VSIG1: variants seen among roughly 807,000 people sequenced by gnomAD.
VSIG1 encodes V-set and immunoglobulin domain containing 1.
In VSIG1, 11 loss-of-function variants were observed where a neutral mutation model predicts 20.1. That is an observed-to-expected ratio of 0.55 (90% CI 0.34 to 0.91). The LOEUF (loss-of-function observed/expected upper bound fraction) is 0.91, where lower values mean the gene tolerates loss of function less well. Among genes scored for constraint, VSIG1 ranks in the 40% least tolerant of loss-of-function variants. The probability of loss-of-function intolerance (pLI) is 0.02; values close to 1 mark genes in which losing one functional copy is unlikely to be tolerated. For missense variants in VSIG1, 283 were observed against 298.8 expected (o/e 0.95, Z 0.39); for synonymous variants, 126 against 116.7 (o/e 1.08, Z -0.52).
At chrX:108,035,024 A>C in the VSIG1 span, among the ~76,000 whole-genome samples, 3 of 112,023 alleles carry the variant, frequency 2.7e-5, no homozygotes, top group African/African-American at 9.7e-5. Context: ...ATAAAACAGA[A>C]TTTGCCATCT....
intron 1 of VSIG1, among the ~76,000 whole-genome samples, chrX:108,048,893 A>G (rs1206623555): frequency 8.9e-6 from 1 of 112,553 alleles, no homozygotes; most frequent in Non-Finnish European, 1.9e-5. Flanking sequence ...GTTGGACAGC[A>G]CTGTAAGGGT....
chrX:108,047,660 T>C (rs1165765764), intron 1 of VSIG1, among the ~76,000 whole-genome samples: 1 of 104,421 alleles, frequency 9.6e-6, no homozygotes. Context: ...TTGGGGGATA[T>C]TTTGCTGTGG....
the VSIG1 span, among the ~76,000 whole-genome samples, chrX:108,035,123 G>C: frequency 1.8e-5 from 2 of 111,605 alleles, no homozygotes; most frequent in Non-Finnish European, 3.8e-5. Flanking sequence ...ATTTTAGATG[G>C]AGTCTTGCTC....
At chrX:108,070,432 TTTG>T in intron 3 of VSIG1, among the ~76,000 whole-genome samples, 1 of 111,969 alleles carries the variant, frequency 8.9e-6, no homozygotes. Flanking sequence ...CACTAAATGT[TTTG>T]TTAATAAAAA....
the VSIG1 span, among the ~76,000 whole-genome samples, chrX:108,033,091 G>T: frequency 1.8e-5 from 2 of 111,385 alleles, no homozygotes; most frequent in Non-Finnish European, 3.8e-5. Flanking sequence ...GTTGTTTCCT[G>T]CTGGTTGGGG....
rs771840713 is a variant in VSIG1, at chrX:108,078,779, A to G, written c.*1398A>G. ...GTTATCACTGTGTCTGATGTTATCT[A>G]CTTTGAAAGGCAGTCCAGAAAAGTG... On this transcript the variant is annotated 3_prime_UTR_variant, in exon 7 of 7. Coordinates refer to ENST00000217957, the MANE Select transcript of VSIG1 (RefSeq NM_182607.5). 8.9e-6 allele frequency: 1 copy of G among 112,513 alleles called. No individual in the cohort carries two copies. Among genetic ancestry groups the G allele is most frequent in the African/African-American group, 3.2e-5 (1 of 30,986 alleles). The allele number at this position is 112,513 out of a possible 1,213,427, so 9.3% of individuals were successfully genotyped here. A position where few individuals can be genotyped will look rare whatever the true frequency, so the allele number is the denominator to read the frequency against.
At chrX:108,047,817 T>C (rs1419571896) in intron 1 of VSIG1, among the ~76,000 whole-genome samples, 6 of 61,179 alleles carry the variant, frequency 9.8e-5, no homozygotes, top group African/African-American at 4.4e-4. Flanking sequence ...TACATATATA[T>C]ATACATATAT....
At chrX:108,040,879 T>C (rs1230504297), upstream of VSIG1, among the ~76,000 whole-genome samples, 1 of 110,772 alleles carries the variant, frequency 9.0e-6, no homozygotes, top group East Asian at 2.8e-4. Context: ...TGTGTGTGTG[T>C]TTGTGCATGT....
chrX:108,057,147 G>A (rs997171013), intron 1 of VSIG1, among the ~76,000 whole-genome samples: 3 of 112,229 alleles, frequency 2.7e-5, no homozygotes, highest in Non-Finnish European at 5.6e-5. Flanking sequence ...ATTCCAAAAG[G>A]TTACCATGAT....
intron 2 of VSIG1, among the ~76,000 whole-genome samples, chrX:108,060,854 C>T (rs1207193199): frequency 2.7e-5 from 3 of 112,383 alleles, no homozygotes; most frequent in African/African-American, 9.7e-5. Context: ...TTATTATTGG[C>T]ATCATCACTT....
chrX:108,030,226 T>A, the VSIG1 span, among the ~76,000 whole-genome samples: 1 of 111,888 alleles, frequency 8.9e-6, no homozygotes, highest in Non-Finnish European at 1.9e-5. Flanking sequence ...TACATTATGA[T>A]CATCATCTAA....
chrX:108,044,925 C>T (rs772567868), upstream of VSIG1: 4 of 300,233 alleles, frequency 1.3e-5, no homozygotes, highest in Middle Eastern at 8.8e-4. Context: ...CAAGGAAACA[C>T]GCCCCATGAA....
chrX:108,042,171 C>T (rs2030492056), upstream of VSIG1, among the ~76,000 whole-genome samples: 1 of 111,991 alleles, frequency 8.9e-6, no homozygotes, highest in Non-Finnish European at 1.9e-5. Flanking sequence ...TTTGTTATAA[C>T]AGAATTCTTC....
chrX:108,047,797 T>TATATATACATATATATATAC, intron 1 of VSIG1, among the ~76,000 whole-genome samples: 1 of 69,208 alleles, frequency 1.4e-5, no homozygotes, highest in African/African-American at 6.2e-5. Context: ...TCTCTATATA[T>TATATATACATATATATATAC]ATATATATAT....
the VSIG1 span, among the ~76,000 whole-genome samples, chrX:108,033,742 C>T: frequency 1.8e-5 from 2 of 110,315 alleles, no homozygotes; most frequent in Non-Finnish European, 3.8e-5. Flanking sequence ...TAGAAAACCA[C>T]TGGGGGAGGC....
At chrX:108,035,618 A>C in the VSIG1 span, among the ~76,000 whole-genome samples, 1 of 111,279 alleles carries the variant, frequency 9.0e-6, no homozygotes, top group Non-Finnish European at 1.9e-5. Flanking sequence ...TGAGTATTTG[A>C]GGGCTCACAG....
intron 2 of VSIG1, among the ~76,000 whole-genome samples, chrX:108,059,683 A>T (rs989834769): frequency 8.9e-6 from 1 of 112,080 alleles, no homozygotes; most frequent in Admixed American, 9.4e-5. Flanking sequence ...TCAACTAAGA[A>T]ATTATTGCCT....
intron 1 of VSIG1, among the ~76,000 whole-genome samples, chrX:108,057,771 C>T (rs927494812): frequency 1.8e-5 from 2 of 111,110 alleles, no homozygotes; most frequent in Admixed American, 9.5e-5. Flanking sequence ...TAAGGCCGCC[C>T]TTAACACAGA....
intron 3 of VSIG1, among the ~76,000 whole-genome samples, chrX:108,068,144 T>C (rs1183979105): frequency 1.8e-5 from 2 of 112,130 alleles, no homozygotes; most frequent in African/African-American, 6.5e-5. Context: ...ACTCAGGTAA[T>C]GCCACAAAGG....
Sources: gnomAD v4.1 joint callset for allele counts (sites outside exome capture counted in the v4.1 genomes callset) on GRCh38, gnomAD v4.1.1 for gene constraint, MANE v1.5 for transcripts, NCBI Gene and HGNC (gene_info 2026-07-23, HGNC 2026-07-21) for gene names.